CFAP20DC: variants seen among roughly 807,000 people sequenced by gnomAD.
The protein encoded by CFAP20DC is CFAP20 domain containing.
Under a neutral mutation model 101.7 loss-of-function variants are expected in CFAP20DC, and 84 were observed. The ratio of observed to expected loss-of-function variants is 0.83; its 90% CI spans 0.69 to 0.99. The LOEUF (loss-of-function observed/expected upper bound fraction) is 0.99, where lower values mean the gene tolerates loss of function less well. Ranked by LOEUF, CFAP20DC falls within the 50% of genes least tolerant of loss-of-function variation. The probability of loss-of-function intolerance (pLI) is 0.00; values close to 1 mark genes in which losing one functional copy is unlikely to be tolerated. For synonymous variants in CFAP20DC, 359 were observed against 351.2 expected (o/e 1.02, Z -0.25); for missense variants, 1,007 against 970.3 (o/e 1.04, Z -0.50).
At chr3:58,812,155 T>C (rs182657476) in intron 14 of CFAP20DC, among the ~76,000 whole-genome samples, 6,190 of 152,088 alleles carry the variant, frequency 0.041, 176 homozygotes, top group African/African-American at 0.084. Context: ...GGCGATTCCT[T>C]AGGGATCTAG....
At chr3:58,780,254 T>C (rs2071701645) in intron 15 of CFAP20DC, among the ~76,000 whole-genome samples, 1 of 152,054 alleles carries the variant, frequency 6.6e-6, no homozygotes, top group Non-Finnish European at 1.5e-5. Context: ...ACAATTACTA[T>C]TGTCATGAAA....
chr3:58,968,028 A>G (rs905074054), intron 4 of CFAP20DC, among the ~76,000 whole-genome samples: 1 of 152,224 alleles, frequency 6.6e-6, no homozygotes, highest in Non-Finnish European at 1.5e-5. Flanking sequence ...ATATTCCTGC[A>G]AAAGACATGA....
intron 4 of CFAP20DC, among the ~76,000 whole-genome samples, chr3:58,966,841 A>T (rs533743429): frequency 2.5e-4 from 38 of 152,256 alleles, no homozygotes; most frequent in South Asian, 1.0e-3. Flanking sequence ...TATATTTTTT[A>T]AAAAATGAAA....
chr3:58,918,565 A>T (rs1241622526), intron 5 of CFAP20DC, among the ~76,000 whole-genome samples: 1 of 152,072 alleles, frequency 6.6e-6, no homozygotes, highest in Non-Finnish European at 1.5e-5. Flanking sequence ...TAACTTCATT[A>T]TTCTGAAGTC....
intron 14 of CFAP20DC, among the ~76,000 whole-genome samples, chr3:58,822,367 C>G (rs1386260113): frequency 6.8e-6 from 1 of 147,906 alleles, no homozygotes; most frequent in African/African-American, 2.5e-5. Context: ...TATTCTCACT[C>G]ATAGGTGGGA....
In CFAP20DC at chr3:58,754,005, A is replaced by AT. The variant is rs1167278618; in HGVS notation, c.2238-143dup. 26 of 594,878 alleles carry AT rather than the reference A, an allele frequency of 4.4e-5. No individual in the cohort carries two copies. The Admixed American group carries it at 7.8e-4, about 18-fold the overall frequency. 36.8% of individuals were successfully genotyped at this position (594,878 alleles called of 1,614,324 possible). ...ATATTTCAGAAAGACAGATGTCCAG[A>AT]TATCAATATCCAGTTTTGTAAATTG... On this transcript the variant is annotated intron_variant, in intron 15 of 16. Transcript: ENST00000482387.
At position 58,953,593 on chromosome 3, in the gene CFAP20DC, T is replaced by G. The variant is rs564541636; in HGVS notation, c.279-15831A>C. 3.9e-5 allele frequency: 6 copies of G among 152,314 alleles called. No individual in the cohort carries two copies. In the East Asian group the frequency reaches 1.2e-3, roughly 29 times the overall value. The allele number at this position is 152,314 out of a possible 1,614,324, so 9.4% of individuals were successfully genotyped here. The stretch of plus-strand genomic sequence containing the variant: ...GCTTTGGGGGGAAAACAAAATCATG[T>G]GCAAAGCTTAAATGGTTCTAAAAGC... On this transcript the variant is annotated intron_variant, in intron 4 of 16. Coordinates refer to ENST00000482387, the MANE Select transcript of CFAP20DC (RefSeq NM_001394063.1).
chr3:58,897,614 A>G lies in CFAP20DC; in HGVS notation c.551-12905T>C, dbSNP rs1201407659. ...CTCAGCATTTGCTTGTCTGAAAATT[A>G]TCTTATTTCTTTTCACTTTTGAAGG... On this transcript the variant is annotated intron_variant, in intron 6 of 16. Transcript: ENST00000482387. This position sits in a 1 kb window ranked among gnomAD's most constrained non-coding sequence, Gnocchi z 4.4. 6.6e-6 allele frequency among the ~76,000 whole-genome samples: 1 copy of G among 152,168 alleles called. No homozygotes were observed. The highest frequency in any genetic ancestry group is 1.5e-5 in the Non-Finnish European group (1 of 68,034).
intron 15 of CFAP20DC, among the ~76,000 whole-genome samples, chr3:58,783,463 CAGA>C (rs1442655435): frequency 1.3e-5 from 2 of 151,570 alleles, no homozygotes; most frequent in Admixed American, 1.3e-4. Context: ...CACAGCAAAA[CAGA>C]AGAACAAAAA....
intron 6 of CFAP20DC, among the ~76,000 whole-genome samples, chr3:58,891,228 GC>G (rs950663863): frequency 4.1e-4 from 63 of 152,040 alleles, no homozygotes; most frequent in African/African-American, 1.3e-3. Flanking sequence ...CTGGAGACCG[GC>G]CCGGCCAACA....
Position 59,039,573 on chromosome 3 carries a change from A to G in CFAP20DC, c.262T>C (p.Phe88Leu). ...LQIYVPLGQD[F>L]STELLITDLG... ...ATATCTTACAGCAATTCAGTGGAGA[A>G]GTCTTGTCCCAGGGGTACGTAAATC... The change falls in exon 4 of 17, where the codon TTC becomes CTC. Residue 88 changes from phenylalanine (F) to leucine (L), a missense_variant. Transcript: ENST00000482387. The G allele has an allele frequency of 6.6e-7, 1 of 1,524,276 alleles. No homozygotes were observed. The highest frequency in any genetic ancestry group is 8.8e-7 in the Non-Finnish European group (1 of 1,138,628). 94.4% of individuals were successfully genotyped at this position (1,524,276 alleles called of 1,614,324 possible).
chr3:58,992,288 T>G (rs2092965782), intron 4 of CFAP20DC, among the ~76,000 whole-genome samples: 1 of 152,142 alleles, frequency 6.6e-6, no homozygotes, highest in South Asian at 2.1e-4. Flanking sequence ...AGCACAAAAA[T>G]TTAGATTGTT....
At chr3:59,011,136 G>A (rs1024494949) in intron 4 of CFAP20DC, among the ~76,000 whole-genome samples, 17 of 152,258 alleles carry the variant, frequency 1.1e-4, no homozygotes, top group African/African-American at 2.4e-4. Flanking sequence ...GGTGGCTCAC[G>A]CCTGTAATCC....
Position 58,863,773 on chromosome 3 carries a change from CTT to C in CFAP20DC, c.1376_1377del (p.Lys459ArgfsTer3). ...TCTGCCTGCTGGTCGTGTTCACTCT[CTT>C]TGCTGGCTTCCAGCCACAGGTGTGA... is the stretch of plus-strand genomic sequence containing the variant. ...NPSHLWLEAS[K>X]ESEHDQQAEE... On this transcript the variant is annotated frameshift_variant, in exon 12 of 17. Transcript: ENST00000482387. LOFTEE classifies it high-confidence loss of function. This position sits in a 1 kb window ranked among gnomAD's most constrained non-coding sequence, Gnocchi z 5.9. The C allele has an allele frequency of 6.2e-7, 1 of 1,614,206 alleles. No homozygotes were observed. Among genetic ancestry groups the C allele is most frequent in the Non-Finnish European group, 8.5e-7 (1 of 1,180,050 alleles).
chr3:59,020,907 A>T (rs2093791034), intron 4 of CFAP20DC, among the ~76,000 whole-genome samples: 1 of 152,128 alleles, frequency 6.6e-6, no homozygotes, highest in South Asian at 2.1e-4. Context: ...GCTCTCAGGT[A>T]ATGTGAGACA....
Position 59,015,076 on chromosome 3 carries a change from A to C in CFAP20DC, c.278+24481T>G, listed in dbSNP as rs1245241396. ...AGGTTAGGATGTGGATGGAGTAGTG[A>C]CAATGAAGGGACTAAGGGCTGAAGA... is the stretch of plus-strand genomic sequence containing the variant. On this transcript the variant is annotated intron_variant, in intron 4 of 16. Transcript: ENST00000482387. The surrounding 1 kb of genome is among the most constrained non-coding windows in gnomAD (Gnocchi z 5.4). Among the ~76,000 whole-genome samples the C allele has an allele frequency of 6.6e-6, 1 of 152,140 alleles. No individual in the cohort carries two copies. Among genetic ancestry groups the C allele is most frequent in the East Asian group, 1.9e-4 (1 of 5,186 alleles).
intron 13 of CFAP20DC, among the ~76,000 whole-genome samples, chr3:58,844,398 A>T (rs1358137234): frequency 7.3e-6 from 1 of 137,262 alleles, no homozygotes; most frequent in Non-Finnish European, 1.5e-5. Flanking sequence ...ACCAACAAAG[A>T]TCAAAAGAGA....
intron 15 of CFAP20DC, among the ~76,000 whole-genome samples, chr3:58,801,283 AAAC>A (rs2073681624): frequency 6.6e-6 from 1 of 152,222 alleles, no homozygotes; most frequent in South Asian, 2.1e-4. Flanking sequence ...GAAATGATAA[AAAC>A]AACAACTGAT....
At chr3:58,851,449 T>A (rs1024373235) in intron 12 of CFAP20DC, among the ~76,000 whole-genome samples, 2 of 152,318 alleles carry the variant, frequency 1.3e-5, no homozygotes, top group Non-Finnish European at 2.9e-5. Context: ...TGCAGTCTCT[T>A]ACACAGAGTA....
Sources: gnomAD v4.1 joint callset for allele counts (sites outside exome capture counted in the v4.1 genomes callset) on GRCh38, gnomAD v4.1.1 for gene constraint, Gnocchi (gnomAD v3.1) non-coding constraint, MANE v1.5 for transcripts, NCBI Gene and HGNC (gene_info 2026-07-23, HGNC 2026-07-21) for gene names.